Variants in EIPR1 observed in about 807,000 individuals in gnomAD.
EIPR1 encodes EARP complex and GARP complex interacting protein 1.
Under a neutral mutation model 48.1 loss-of-function variants are expected in EIPR1, and 25 were observed. That is an observed-to-expected ratio of 0.52 (90% confidence interval 0.38 to 0.73). The LOEUF (loss-of-function observed/expected upper bound fraction) is 0.73. Among genes scored for constraint, EIPR1 ranks in the 30% least tolerant of loss-of-function variants. The pLI, the probability that EIPR1 is intolerant of heterozygous loss-of-function variation, is 0.00. For synonymous variants in EIPR1, 204 were observed against 201.9 expected (o/e 1.01, Z -0.09); for missense variants, 415 against 506.2 (o/e 0.82, Z 1.73).
At chr2:3,322,603 C>T (rs997149243) in intron 3 of EIPR1, among the ~76,000 whole-genome samples, 4 of 152,214 alleles carry the variant, frequency 2.6e-5, no homozygotes, top group African/African-American at 9.6e-5. Flanking sequence ...CCAGCACTGA[C>T]TGTGGACGCC....
chr2:3,368,643 G>A (rs144897406), intron 1 of EIPR1, among the ~76,000 whole-genome samples: 76 of 152,338 alleles, frequency 5.0e-4, no homozygotes, highest in African/African-American at 1.8e-3. Context: ...AAAGAAACAT[G>A]ATTGCAGGAG....
Position 3,189,535 on chromosome 2 carries a change from G to C in EIPR1, c.990-27C>G. ...TGCAATGCAACAGAGGCAGACGTGA[G>C]CGCAGCAGCTCCGGCGGGGCGGGCA... On this transcript the variant is annotated intron_variant, in intron 8 of 8. Coordinates refer to ENST00000382125, the MANE Select transcript of EIPR1 (RefSeq NM_003310.5). This position sits in a 1 kb window ranked among gnomAD's most constrained non-coding sequence, Gnocchi z 4.6. 1.3e-6 allele frequency: 2 copies of C among 1,524,418 alleles called. No homozygotes were observed. The highest frequency in any genetic ancestry group is 1.8e-6 in the Non-Finnish European group (2 of 1,123,042). The allele number at this position is 1,524,418 out of a possible 1,614,324, so 94.4% of individuals were successfully genotyped here.
intron 4 of EIPR1, among the ~76,000 whole-genome samples, chr2:3,224,794 G>A (rs1194139841): frequency 6.6e-6 from 1 of 152,204 alleles, no homozygotes; most frequent in Non-Finnish European, 1.5e-5. Context: ...TGCTGGCAAT[G>A]CCACCGGCAA....
intron 3 of EIPR1, chr2:3,282,843 T>G (rs1019902166): frequency 1.1e-4 from 16 of 152,180 alleles, no homozygotes; most frequent in African/African-American, 3.4e-4. Context: ...CGGGCTTGGT[T>G]TGCTGCCTTA....
intron 5 of EIPR1, among the ~76,000 whole-genome samples, chr2:3,213,727 G>C (rs1215939047): frequency 1.3e-5 from 2 of 152,196 alleles, no homozygotes; most frequent in Non-Finnish European, 2.9e-5. Flanking sequence ...TCACCTGAAA[G>C]ACCCCATCAG....
At position 3,345,719 on chromosome 2, in the gene EIPR1, TAAAAA is replaced by T. The variant is rs1670379327; in HGVS notation, c.127-7575_127-7571del. Among the ~76,000 whole-genome samples, 2 of 150,256 alleles carry T rather than the reference TAAAAA, an allele frequency of 1.3e-5. 1 individual carries two copies. The highest frequency in any genetic ancestry group is 4.2e-4 in the South Asian group (2 of 4,780). On this transcript the variant is annotated intron_variant, in intron 2 of 8. Transcript: ENST00000382125. ...GTGGGGTACAATTCACAGAAGAAAA[TAAAAA>T]AGAAAGTGCACAGTGGGAGGTGGCA...
At chr2:3,323,369 G>A (rs545260243) in intron 3 of EIPR1, among the ~76,000 whole-genome samples, 14 of 152,284 alleles carry the variant, frequency 9.2e-5, no homozygotes, top group Middle Eastern at 3.4e-3. Flanking sequence ...CAGTATCCCC[G>A]GCTTCCTACG....
intron 3 of EIPR1, among the ~76,000 whole-genome samples, chr2:3,280,268 G>A (rs2103258494): frequency 6.6e-6 from 1 of 152,364 alleles, no homozygotes; most frequent in Admixed American, 6.5e-5. Context: ...GTTACCCACA[G>A]CTACAGACAA....
At chr2:3,372,892 C>T (rs1659721823) in intron 1 of EIPR1, among the ~76,000 whole-genome samples, 1 of 151,990 alleles carries the variant, frequency 6.6e-6, no homozygotes, top group Non-Finnish European at 1.5e-5. Flanking sequence ...AGGCCAGCAT[C>T]ATCCTGATAC....
intron 3 of EIPR1, among the ~76,000 whole-genome samples, chr2:3,316,214 CACT>C (rs1669292971): frequency 1.3e-5 from 2 of 151,024 alleles, no homozygotes; most frequent in African/African-American, 2.4e-5. Context: ...CCCATTCCAC[CACT>C]GTTATCGCCA....
At chr2:3,372,881 T>C (rs371587335) in intron 1 of EIPR1, among the ~76,000 whole-genome samples, 2 of 151,958 alleles carry the variant, frequency 1.3e-5, no homozygotes, top group Non-Finnish European at 2.9e-5. Context: ...CTCATTTTAT[T>C]AGGCCAGCAT....
chr2:3,233,408 C>G (rs1182652701), intron 4 of EIPR1, among the ~76,000 whole-genome samples: 1 of 152,192 alleles, frequency 6.6e-6, no homozygotes, highest in Non-Finnish European at 1.5e-5. Context: ...TGGAGAAAGA[C>G]TTCTTGGCAC....
At chr2:3,319,277 G>A (rs984541564) in intron 3 of EIPR1, 14 of 292,422 alleles carry the variant, frequency 4.8e-5, no homozygotes, top group East Asian at 1.6e-4. Flanking sequence ...CTGGAAGTGC[G>A]CTGTGTGCTC....
intron 3 of EIPR1, among the ~76,000 whole-genome samples, chr2:3,284,658 T>G (rs533661466): frequency 1.3e-5 from 2 of 152,342 alleles, no homozygotes; most frequent in Middle Eastern, 3.4e-3. Flanking sequence ...ATGAGAAAAG[T>G]CAGGGGCAGA....
At chr2:3,300,027 G>A (rs188607272) in intron 3 of EIPR1, among the ~76,000 whole-genome samples, 69 of 152,246 alleles carry the variant, frequency 4.5e-4, no homozygotes, top group Admixed American at 1.2e-3. Context: ...CTGGCAAAGC[G>A]CAAACTCCAG....
At chr2:3,319,777 C>G (rs1375404543) in intron 3 of EIPR1, 1 of 148,472 alleles carries the variant, frequency 6.7e-6, no homozygotes, top group African/African-American at 3.0e-5. Flanking sequence ...CAGGGCAATA[C>G]TGCACCTGCG....
chr2:3,340,922 C>T (rs893200920), intron 2 of EIPR1, among the ~76,000 whole-genome samples: 2 of 151,720 alleles, frequency 1.3e-5, no homozygotes, highest in African/African-American at 2.4e-5. Flanking sequence ...TATGGTGAAA[C>T]CCCATCTCTA....
In EIPR1 at chr2:3,279,292, A is replaced by G. The variant is rs557667118; in HGVS notation, c.260-21837T>C. 2.0e-5 allele frequency among the ~76,000 whole-genome samples: 3 copies of G among 152,332 alleles called. No homozygotes were observed. In the East Asian group the frequency reaches 5.8e-4, roughly 29 times the overall value. On this transcript the variant is annotated intron_variant, in intron 3 of 8. Coordinates refer to ENST00000382125, the MANE Select transcript of EIPR1 (RefSeq NM_003310.5). The stretch of plus-strand genomic sequence containing the variant: ...TTCCAATATTTTTTCCCACACTGGA[A>G]TATCAAAAACACTCTCTTATAAAAA...
At chr2:3,333,540 C>T (rs1425181361) in intron 3 of EIPR1, among the ~76,000 whole-genome samples, 1 of 152,030 alleles carries the variant, frequency 6.6e-6, no homozygotes, top group Admixed American at 6.6e-5. Flanking sequence ...GAGTTCAAGA[C>T]CAGCCTGGCA....
Sources: gnomAD v4.1 joint callset for allele counts (sites outside exome capture counted in the v4.1 genomes callset) on GRCh38, gnomAD v4.1.1 for gene constraint, Gnocchi (gnomAD v3.1) non-coding constraint, MANE v1.5 for transcripts, NCBI Gene and HGNC (gene_info 2026-07-23, HGNC 2026-07-21) for gene names.